Variants in BSG observed in about 807,000 individuals in gnomAD.
BSG encodes basigin (Ok blood group).
Under a neutral mutation model 43.1 loss-of-function variants are expected in BSG, and 37 were observed. That is an observed-to-expected ratio of 0.86 (90% CI 0.66 to 1.13). BSG has a LOEUF of 1.13. BSG is among the 50% of genes most tolerant of loss of function. The probability of loss-of-function intolerance (pLI) is 0.00; values close to 1 mark genes in which losing one functional copy is unlikely to be tolerated. For missense variants in BSG, 599 were observed against 554.2 expected (o/e 1.08, Z -0.81); for synonymous variants, 309 against 238.7 (o/e 1.29, Z -2.72).
upstream of BSG, chr19:572,482 AG>A (rs1424147493): frequency 4.6e-5 from 54 of 1,177,550 alleles, no homozygotes; most frequent in Non-Finnish European, 5.6e-5. Flanking sequence ...GCGCGTGCGC[AG>A]GCGGGGCGAC....
chr19:582,590 G>A lies in BSG; in HGVS notation c.*5+8G>A. 6.3e-7 allele frequency: 1 copy of A among 1,578,718 alleles called. No homozygotes were observed. The highest frequency in any genetic ancestry group is 2.1e-4 in the Middle Eastern group (1 of 4,744). On this transcript the variant is annotated splice_region_variant and intron_variant, in intron 8 of 8. Transcript: ENST00000333511. The stretch of plus-strand genomic sequence containing the variant: ...GAACTCTTCCTGAGGCAGGTGCGGT[G>A]GGCGGGAGCTCCTCCTGAGCCAGGT...
intron 6 of BSG, among the ~76,000 whole-genome samples, chr19:582,086 G>C (rs1438889219): frequency 6.6e-6 from 1 of 152,220 alleles, no homozygotes; most frequent in Non-Finnish European, 1.5e-5. Flanking sequence ...CATGGGGACA[G>C]CTCACCATGG....
chr19:581,725 C>T (rs1982342253), intron 6 of BSG, 134 bp downstream of exon 6: 1 of 1,252,084 alleles, frequency 8.0e-7, no homozygotes. Flanking sequence ...GTTGATGGGA[C>T]CCCGAAAGAA....
At chr19:578,898 T>C in intron 2 of BSG, 1 of 393,642 alleles carries the variant, frequency 2.5e-6, no homozygotes, top group Non-Finnish European at 5.1e-6. Flanking sequence ...GCCCAGCTAA[T>C]TTTTTGTATT....
rs1568356221 is a variant in BSG at position 583,460 on chromosome 19, GCCACAATAAAGATCGCCCCCACCT to G, written c.*721_*744del. 8.0e-6 allele frequency: 1 copy of G among 125,510 alleles called. No individual in the cohort carries two copies. The allele number at this position is 125,510 out of a possible 1,614,324, so 7.8% of individuals were successfully genotyped here. The stretch of plus-strand genomic sequence containing the variant: ...CGTGGGAACCCCCCTCCCACCCACC[GCCACAATAAAGATCGCCCCCACCT>G]CCACCCTCACCCTCTCCTGGCTCCT... On this transcript the variant is annotated 3_prime_UTR_variant, in exon 9 of 9. Transcript: ENST00000333511.
At chr19:578,203 C>A in intron 2 of BSG, 82 bp downstream of exon 2, 1 of 1,305,948 alleles carries the variant, frequency 7.7e-7, no homozygotes, top group Non-Finnish European at 1.0e-6. Context: ...TCAGTAGAAC[C>A]CAGACGCCTC....
intron 3 of BSG, 39 bp from the exon 4 acceptor site, chr19:580,340 A>T: frequency 6.3e-7 from 1 of 1,593,076 alleles, no homozygotes; most frequent in Non-Finnish European, 8.6e-7. Context: ...GGCGTCCTGC[A>T]GAGCTGGTAC....
intron 1 of BSG, among the ~76,000 whole-genome samples, chr19:575,821 C>G (rs934680304): frequency 6.6e-6 from 1 of 152,076 alleles, no homozygotes; most frequent in Non-Finnish European, 1.5e-5. Context: ...CAGGCGCCGT[C>G]CCTCCTCCTG....
intron 1 of BSG, among the ~76,000 whole-genome samples, chr19:576,296 G>A (rs569562559): frequency 1.3e-5 from 2 of 152,350 alleles, no homozygotes; most frequent in African/African-American, 4.8e-5. Context: ...TCTGGAGGAT[G>A]AGGAGAGGGG....
At chr19:580,301 G>A in intron 3 of BSG, 78 bp from the exon 4 acceptor site, 1 of 1,337,640 alleles carries the variant, frequency 7.5e-7, no homozygotes, top group Non-Finnish European at 1.0e-6. Context: ...TGCCGTGGTT[G>A]GGCCCCTGGA....
chr19:581,702 C>T, intron 6 of BSG, 111 bp downstream of exon 6: 1 of 1,367,974 alleles, frequency 7.3e-7, no homozygotes, highest in Non-Finnish European at 9.7e-7. Context: ...AACTGAGGAG[C>T]CCCAGGCAGG....
At position 580,672 on chromosome 19, in the gene BSG, T is replaced by A; in HGVS notation, c.682T>A (p.Ser228Thr). The change falls in exon 5 of 9, where the codon TCG (serine) becomes ACG (threonine). Residue 228 changes from serine to threonine, a missense_variant. Physicochemically the swap from Ser to Thr is moderately conservative, Grantham distance 58 (BLOSUM62 1). Coordinates refer to ENST00000333511, the MANE Select transcript of BSG (RefSeq NM_001728.4). ...GCCTCCCAGAGTGAAGGCTGTGAAGTCGTCAGAACACATCAACGAGGGGGA... is the reference window on the plus strand; with the variant it reads ...GCCTCCCAGAGTGAAGGCTGTGAAGACGTCAGAACACATCAACGAGGGGGA... ...HGPPRVKAVK[S>T]SEHINEGETA... 1 of 1,612,768 alleles carries A rather than the reference T, an allele frequency of 6.2e-7. No homozygotes were observed. Among genetic ancestry groups the A allele is most frequent in the Non-Finnish European group, 8.5e-7 (1 of 1,179,928 alleles).
chr19:575,579 C>T (rs966145842), intron 1 of BSG, among the ~76,000 whole-genome samples: 5 of 119,118 alleles, frequency 4.2e-5, no homozygotes, highest in South Asian at 3.1e-4. Flanking sequence ...GAGCTGTTCT[C>T]GCTGGCTGCT....
At chr19:576,846 C>T (rs1179480789) in intron 1 of BSG, among the ~76,000 whole-genome samples, 1 of 152,226 alleles carries the variant, frequency 6.6e-6, no homozygotes, top group Non-Finnish European at 1.5e-5. Context: ...CAGACGTGAA[C>T]ATTCCTGTCC....
chr19:576,748 CAAAA>C (rs140723018), intron 1 of BSG, among the ~76,000 whole-genome samples: 1 of 122,270 alleles, frequency 8.2e-6, no homozygotes, highest in African/African-American at 3.2e-5. Flanking sequence ...GACTCTGTCT[CAAAA>C]AAAAAAAAAA....
intron 6 of BSG, among the ~76,000 whole-genome samples, chr19:581,887 G>A (rs1982359792): frequency 6.6e-6 from 1 of 152,264 alleles, no homozygotes; most frequent in South Asian, 2.1e-4. Context: ...TGGTGAGCCG[G>A]CCCTTGCTGC....
chr19:572,730 G>A (rs1240779150), intron 1 of BSG, 29 bp downstream of exon 1: 4 of 1,438,366 alleles, frequency 2.8e-6, no homozygotes, highest in Non-Finnish European at 3.7e-6. Context: ...GCGGGGGTGC[G>A]GTCCTGCAGG....
At chr19:579,763 C>G in intron 3 of BSG, 107 bp downstream of exon 3, 3 of 1,466,508 alleles carry the variant, frequency 2.0e-6, no homozygotes, top group Non-Finnish European at 1.8e-6. Context: ...AGGCTTGATC[C>G]AGGCGGAAGT....
chr19:576,760 A>AAG (rs1167130063), intron 1 of BSG, among the ~76,000 whole-genome samples: 151 of 146,218 alleles, frequency 1.0e-3, no homozygotes, highest in African/African-American at 3.3e-3. Context: ...AAAAAAAAAA[A>AAG]AAGAAGAAGA....
Sources: gnomAD v4.1 joint callset for allele counts (sites outside exome capture counted in the v4.1 genomes callset) on GRCh38, gnomAD v4.1.1 for gene constraint, MANE v1.5 for transcripts, NCBI Gene and HGNC (gene_info 2026-07-23, HGNC 2026-07-21) for gene names.